RNF144A: variants seen among roughly 807,000 people sequenced by gnomAD.
RNF144A encodes E3 ubiquitin-protein ligase RNF144A.
In RNF144A, 11 loss-of-function variants were observed where a neutral mutation model predicts 38.7. The observed-to-expected ratio is 0.28, with a 90% confidence interval of 0.18 to 0.47. The LOEUF is 0.47. Among genes scored for constraint, RNF144A ranks in the 20% least tolerant of loss-of-function variants. The probability of loss-of-function intolerance (pLI) is 0.99; values close to 1 mark genes in which losing one functional copy is unlikely to be tolerated. For synonymous variants in RNF144A, 149 were observed against 143.9 expected, an observed-to-expected ratio of 1.04 and a Z score of -0.25; for missense variants, 316 against 377.2, an observed-to-expected ratio of 0.84 and a Z score of 1.34.
In RNF144A at chr2:7,041,570, T is replaced by G. The variant is rs1411700467; in HGVS notation, c.*1810T>G. 2.0e-6 allele frequency: 2 copies of G among 985,908 alleles called. No homozygotes were observed. The highest frequency in any genetic ancestry group is 4.7e-5 in the South Asian group (1 of 21,292). 61.1% of individuals were successfully genotyped at this position (985,908 alleles called of 1,614,324 possible). On this transcript the variant is annotated 3_prime_UTR_variant, in exon 9 of 9. Coordinates refer to ENST00000320892, the MANE Select transcript of RNF144A (RefSeq NM_014746.6). ...TGTGGTGCTGTGATGGTGTCTACTG[T>G]TAGAATAGCTTTTCTGGAGGTGGGT... is the stretch of plus-strand genomic sequence containing the variant.
intron 3 of RNF144A, among the ~76,000 whole-genome samples, chr2:7,006,404 G>A (rs309317): frequency 0.55 from 84,137 of 151,940 alleles, 24,207 homozygotes; most frequent in Non-Finnish European, 0.64. Context: ...AGCCTGTGCT[G>A]CAAAATGCTC....
At chr2:7,074,772 A>G in the RNF144A span, 1 of 153,856 alleles carries the variant, frequency 6.5e-6, no homozygotes, top group Non-Finnish European at 1.5e-5. Context: ...AGAAAGGAAG[A>G]AAAAAAGGAA....
At chr2:6,959,498 AAAG>A (rs1667205333) in intron 2 of RNF144A, among the ~76,000 whole-genome samples, 1 of 152,152 alleles carries the variant, frequency 6.6e-6, no homozygotes, top group Non-Finnish European at 1.5e-5. Context: ...GATATAAAGA[AAAG>A]AAGTTTATTT....
At chr2:6,990,628 A>G (rs975927334) in intron 2 of RNF144A, among the ~76,000 whole-genome samples, 5 of 151,608 alleles carry the variant, frequency 3.3e-5, no homozygotes, top group African/African-American at 9.7e-5. Context: ...TAGATGTGCT[A>G]AATCTCCAAA....
At chr2:7,018,417 G>C (rs1671284665) in intron 5 of RNF144A, among the ~76,000 whole-genome samples, 1 of 152,182 alleles carries the variant, frequency 6.6e-6, no homozygotes, top group Non-Finnish European at 1.5e-5. Context: ...GCAGAGAGTT[G>C]TCGGAGGCAT....
In RNF144A at chr2:6,997,015, A is replaced by G; in HGVS notation, c.89A>G (p.Glu30Gly). The change falls in exon 3 of 9, where the codon GAG (glutamate) becomes GGG (glycine). Residue 30 changes from glutamate (E) to glycine (G), a missense_variant. By Grantham distance (98) the Glu-to-Gly change is moderately conservative (BLOSUM62 -2). Coordinates refer to ENST00000320892, the MANE Select transcript of RNF144A (RefSeq NM_014746.6). ...CKLCLGEYPV[E>G]QMTTIAQCQC... is the part of the protein sequence containing the mutation. ...CTCTGTCTTGGGGAGTACCCAGTGGAGCAGATGACAACCATAGCCCAGTGC... is the reference window on the plus strand; with the variant it reads ...CTCTGTCTTGGGGAGTACCCAGTGGGGCAGATGACAACCATAGCCCAGTGC... 6.2e-7 allele frequency: 1 copy of G among 1,614,108 alleles called. No individual in the cohort carries two copies. The highest frequency in any genetic ancestry group is 2.2e-5 in the East Asian group (1 of 44,888).
intron 3 of RNF144A, among the ~76,000 whole-genome samples, chr2:7,004,097 T>G (rs1265782209): frequency 6.6e-6 from 1 of 152,254 alleles, no homozygotes; most frequent in Non-Finnish European, 1.5e-5. Context: ...GTGAGTTACA[T>G]GGACTTTGTC....
At chr2:7,057,285 A>T (rs775881925) in intron 6 of RNF144A, among the ~76,000 whole-genome samples, 1 of 152,218 alleles carries the variant, frequency 6.6e-6, no homozygotes, top group South Asian at 2.1e-4. Flanking sequence ...GCCCAGCTCT[A>T]TTGCAGCACC....
rs35358506 is a variant in RNF144A at position 6,952,392 on chromosome 2, G to GT, written c.-12+11257dup. ...GCTTTTGTCTGATTGAAGAGGGAGG[G>GT]TTTTTTTTTTTTCCTGTTTTTCCCA... On this transcript the variant is annotated intron_variant, in intron 2 of 8. Coordinates refer to ENST00000320892, the MANE Select transcript of RNF144A (RefSeq NM_014746.6). 3.8e-3 allele frequency among the ~76,000 whole-genome samples: 553 copies of GT among 144,564 alleles called. 18 individuals carry two copies. The highest frequency in any genetic ancestry group is 0.035 in the Admixed American group (510 of 14,608). The allele number at this position is 144,564 out of a possible 152,430, so 94.8% of individuals were successfully genotyped here.
chr2:7,007,891 C>T (rs753129637), intron 3 of RNF144A, among the ~76,000 whole-genome samples: 1 of 152,240 alleles, frequency 6.6e-6, no homozygotes, highest in Non-Finnish European at 1.5e-5. Flanking sequence ...GAAGCTGAGG[C>T]TGCAGGAGCG....
At chr2:7,017,519 C>T (rs1251661667) in intron 5 of RNF144A, among the ~76,000 whole-genome samples, 2 of 152,120 alleles carry the variant, frequency 1.3e-5, no homozygotes, top group Non-Finnish European at 2.9e-5. Flanking sequence ...ATGCTGGGTG[C>T]ATCGTTCTCT....
intron 2 of RNF144A, among the ~76,000 whole-genome samples, chr2:6,961,191 C>A (rs1433234386): frequency 6.6e-6 from 1 of 151,680 alleles, no homozygotes; most frequent in African/African-American, 2.4e-5. Flanking sequence ...TTAAATCAGT[C>A]CATGGGTTTC....
At chr2:6,938,187 T>G (rs1338791341) in intron 1 of RNF144A, among the ~76,000 whole-genome samples, 1 of 151,772 alleles carries the variant, frequency 6.6e-6, no homozygotes, top group East Asian at 1.9e-4. Context: ...GACTTCGTCT[T>G]TTAAATTTTT....
intron 6 of RNF144A, among the ~76,000 whole-genome samples, chr2:7,049,192 G>T (rs1450421689): frequency 6.6e-6 from 1 of 152,200 alleles, no homozygotes; most frequent in Non-Finnish European, 1.5e-5. Flanking sequence ...TGGGGGATGG[G>T]CTGGCCTTCC....
chr2:7,067,730 T>C (rs1388719516), intron 6 of RNF144A, among the ~76,000 whole-genome samples: 6 of 152,190 alleles, frequency 3.9e-5, no homozygotes, highest in African/African-American at 1.4e-4. Context: ...CAAAAACTCC[T>C]TGCTTGGCCA....
At chr2:7,008,179 C>A (rs945345811) in intron 3 of RNF144A, among the ~76,000 whole-genome samples, 4 of 152,242 alleles carry the variant, frequency 2.6e-5, no homozygotes, top group African/African-American at 9.6e-5. Context: ...CCTATCACTG[C>A]CTCTTTGGCT....
chr2:7,014,645 T>G (rs1357873430), intron 4 of RNF144A, 67 bp from the exon 5 acceptor site: 13 of 1,535,940 alleles, frequency 8.5e-6, no homozygotes, highest in Admixed American at 3.4e-5. Flanking sequence ...TTTGTTTGGG[T>G]GTGCGTTGCA....
At chr2:7,001,311 TAAAC>T (rs1194220520) in intron 3 of RNF144A, among the ~76,000 whole-genome samples, 7 of 147,714 alleles carry the variant, frequency 4.7e-5, no homozygotes, top group African/African-American at 7.5e-5. Flanking sequence ...AATAAATAAA[TAAAC>T]AAACAAAAGT....
intron 2 of RNF144A, among the ~76,000 whole-genome samples, chr2:6,971,652 G>A (rs896841866): frequency 2.0e-4 from 31 of 152,284 alleles, no homozygotes; most frequent in African/African-American, 7.0e-4. Flanking sequence ...GGGAGCGGCA[G>A]CACTGCTTAC....
Sources: allele counts gnomAD v4.1 joint callset (sites outside exome capture counted in the v4.1 genomes callset), GRCh38; gene constraint gnomAD v4.1.1; transcripts MANE v1.5; gene names NCBI Gene and HGNC (gene_info 2026-07-23, HGNC 2026-07-21).